OSBPL8: variants seen among roughly 807,000 people sequenced by gnomAD.
OSBPL8 encodes the protein oxysterol binding protein like 8.
OSBPL8 carries 59 observed loss-of-function variants against 125.5 expected under a neutral mutation model. The ratio of observed to expected loss-of-function variants is 0.47; its 90% confidence interval spans 0.38 to 0.58. OSBPL8 has a LOEUF of 0.58. Among genes scored for constraint, OSBPL8 ranks in the 20% least tolerant of loss-of-function variants. OSBPL8 has a pLI of 0.00. For synonymous variants in OSBPL8, 330 were observed against 338.9 expected, an observed-to-expected ratio of 0.97 and a Z score of 0.29; for missense variants, 758 against 1,047.8, an observed-to-expected ratio of 0.72 and a Z score of 3.82.
chr12:76,461,336 T>A (rs986932594), intron 2 of OSBPL8, among the ~76,000 whole-genome samples: 3 of 152,216 alleles, frequency 2.0e-5, no homozygotes, highest in Admixed American at 2.0e-4. Flanking sequence ...TCACTTCATA[T>A]GTCAGCCTTG....
intron 2 of OSBPL8, among the ~76,000 whole-genome samples, chr12:76,468,641 T>A (rs1162745534): frequency 6.6e-6 from 1 of 152,210 alleles, no homozygotes; most frequent in Non-Finnish European, 1.5e-5. Context: ...GCTACCTATG[T>A]TCAAGCTAAA....
intron 1 of OSBPL8, among the ~76,000 whole-genome samples, chr12:76,503,671 TGGGACTA>T (rs1880127041): frequency 6.6e-6 from 1 of 152,048 alleles, no homozygotes; most frequent in African/African-American, 2.4e-5. Flanking sequence ...CCCGAGTAGC[TGGGACTA>T]CAGGTGCCCG....
Position 76,440,727 on chromosome 12 carries a change from C to T in OSBPL8, c.217+10124G>A, listed in dbSNP as rs79520842. ...TCCAGTTCATTAACTAAGTACGTTA[C>T]CCTTCAGGACCTCTAATTTTATGAG... is the stretch of plus-strand genomic sequence containing the variant. On this transcript the variant is annotated intron_variant, in intron 4 of 23. Coordinates refer to ENST00000261183, the MANE Select transcript of OSBPL8 (RefSeq NM_020841.5). 8.2e-3 allele frequency among the ~76,000 whole-genome samples: 1,243 copies of T among 152,216 alleles called. 9 individuals carry two copies. The highest frequency in any genetic ancestry group is 0.013 in the Non-Finnish European group (853 of 67,994).
At chr12:76,362,058 A>T (rs935962332) in intron 21 of OSBPL8, among the ~76,000 whole-genome samples, 7 of 152,194 alleles carry the variant, frequency 4.6e-5, no homozygotes, top group Non-Finnish European at 7.4e-5. Flanking sequence ...TAAAATTAAA[A>T]TTTCTATAAT....
intron 4 of OSBPL8, among the ~76,000 whole-genome samples, chr12:76,439,652 T>C (rs892373856): frequency 5.9e-5 from 9 of 152,140 alleles, no homozygotes; most frequent in Admixed American, 1.3e-4. Flanking sequence ...GTAAAAGTAA[T>C]CTGTATTACT....
chr12:76,520,655 C>T (rs1881985837), intron 1 of OSBPL8, among the ~76,000 whole-genome samples: 1 of 152,084 alleles, frequency 6.6e-6, no homozygotes, highest in Admixed American at 6.5e-5. Flanking sequence ...AAGGTCACTC[C>T]TATATTCTTT....
chr12:76,392,574 T>C lies in OSBPL8; in HGVS notation c.929+7A>G, dbSNP rs1389376206. 1.9e-6 allele frequency: 3 copies of C among 1,601,814 alleles called. No homozygotes were observed. The highest frequency in any genetic ancestry group is 2.6e-6 in the Non-Finnish European group (3 of 1,171,028). On this transcript the variant is annotated splice_region_variant and intron_variant, in intron 10 of 23. Coordinates refer to ENST00000261183, the MANE Select transcript of OSBPL8 (RefSeq NM_020841.5). ...ACATTACCAACTCAGCGGCAGTATC[T>C]ACTTACTGGAAGTTATCACCACTGT...
At chr12:76,439,432 A>C (rs1383094752) in intron 4 of OSBPL8, among the ~76,000 whole-genome samples, 2 of 152,168 alleles carry the variant, frequency 1.3e-5, no homozygotes, top group African/African-American at 4.8e-5. Context: ...GATTTAAAAA[A>C]ACTGTTTAAC....
chr12:76,398,128 T>C (rs1953891679), intron 7 of OSBPL8, among the ~76,000 whole-genome samples: 1 of 152,184 alleles, frequency 6.6e-6, no homozygotes, highest in Non-Finnish European at 1.5e-5. Context: ...TTCAAAGTAG[T>C]GTACTAAGTA....
chr12:76,391,244 A>C (rs1298148411), intron 10 of OSBPL8, among the ~76,000 whole-genome samples: 1 of 152,218 alleles, frequency 6.6e-6, no homozygotes, highest in African/African-American at 2.4e-5. Context: ...GAGAGAATTA[A>C]AAATGAAAAT....
rs1365762996 is a variant in OSBPL8, at chr12:76,353,508, A to C, written c.*2381T>G. The C allele has an allele frequency of 6.6e-6, 1 of 152,114 alleles. No individual in the cohort carries two copies. 9.4% of individuals were successfully genotyped at this position (152,114 alleles called of 1,614,324 possible). A position where few individuals can be genotyped will look rare whatever the true frequency, so the allele number is the denominator to read the frequency against. The stretch of plus-strand genomic sequence containing the variant: ...CTAGAAACCCTCATGAGGCTCTCAG[A>C]CAACTGGGAACCGTTTACGGTCCAT... On this transcript the variant is annotated 3_prime_UTR_variant, in exon 24 of 24. Coordinates refer to ENST00000261183, the MANE Select transcript of OSBPL8 (RefSeq NM_020841.5).
intron 5 of OSBPL8, 93 bp from the exon 6 acceptor site, chr12:76,402,859 A>C: frequency 1.2e-6 from 1 of 810,632 alleles, no homozygotes. Context: ...CATTTTTCTC[A>C]TTTATTGCTA....
intron 2 of OSBPL8, among the ~76,000 whole-genome samples, chr12:76,462,889 G>A (rs1272043573): frequency 6.6e-6 from 1 of 152,158 alleles, no homozygotes; most frequent in African/African-American, 2.4e-5. Context: ...GAGCACGAAG[G>A]CCAATGAGGC....
At chr12:76,497,292 T>C (rs1879377136) in intron 1 of OSBPL8, among the ~76,000 whole-genome samples, 2 of 152,148 alleles carry the variant, frequency 1.3e-5, no homozygotes, top group South Asian at 2.1e-4. Flanking sequence ...GTTCTGATGT[T>C]GTAGCATGAA....
intron 4 of OSBPL8, among the ~76,000 whole-genome samples, chr12:76,433,609 T>C (rs939501278): frequency 1.3e-5 from 2 of 152,134 alleles, no homozygotes; most frequent in African/African-American, 2.4e-5. Context: ...ATTGTTAAAA[T>C]GTCCATCCTA....
At chr12:76,497,683 T>C (rs1438480210) in intron 1 of OSBPL8, among the ~76,000 whole-genome samples, 6 of 152,248 alleles carry the variant, frequency 3.9e-5, no homozygotes, top group Non-Finnish European at 8.8e-5. Context: ...TGAGTTTTGG[T>C]GCCCTTAAAG....
intron 1 of OSBPL8, among the ~76,000 whole-genome samples, chr12:76,504,845 T>C (rs950621598): frequency 6.6e-6 from 1 of 152,186 alleles, no homozygotes; most frequent in African/African-American, 2.4e-5. Flanking sequence ...AACATTATTA[T>C]TATAGAACCT....
At chr12:76,451,919 G>T (rs1336178023) in intron 3 of OSBPL8, among the ~76,000 whole-genome samples, 3 of 152,156 alleles carry the variant, frequency 2.0e-5, no homozygotes, top group Admixed American at 2.0e-4. Flanking sequence ...AGGAGTTCGA[G>T]ACCATCCTGG....
At chr12:76,418,960 G>A (rs1171883942) in intron 4 of OSBPL8, among the ~76,000 whole-genome samples, 3 of 151,974 alleles carry the variant, frequency 2.0e-5, no homozygotes, top group African/African-American at 7.2e-5. Flanking sequence ...ATTAGGCTGG[G>A]CATGATGGCT....
Sources: gnomAD v4.1 joint callset for allele counts (sites outside exome capture counted in the v4.1 genomes callset) on GRCh38, gnomAD v4.1.1 for gene constraint, MANE v1.5 for transcripts, NCBI Gene and HGNC (gene_info 2026-07-23, HGNC 2026-07-21) for gene names.